Variants in DIP2C observed in about 807,000 individuals in gnomAD.
The protein encoded by DIP2C is DIP2 acetate--CoA ligase C (putative).
A neutral mutation model predicts 192.4 loss-of-function variants in DIP2C; 33 were observed. The ratio of observed to expected loss-of-function variants is 0.17; its 90% CI spans 0.13 to 0.23. DIP2C has a LOEUF of 0.23. DIP2C is among the 10% of genes least tolerant of loss of function. The pLI, the probability that DIP2C is intolerant of heterozygous loss-of-function variation, is 1.00. For missense variants in DIP2C, 1,537 were observed against 2,110.1 expected (o/e 0.73, Z 5.32); for synonymous variants, 979 against 864.1 (o/e 1.13, Z -2.33).
chr10:370,725 T>C (rs1960856579), intron 17 of DIP2C, among the ~76,000 whole-genome samples: 1 of 152,266 alleles, frequency 6.6e-6, no homozygotes, highest in South Asian at 2.1e-4. Flanking sequence ...GTACACATTG[T>C]TTCTGTAATT....
chr10:447,122 G>A (rs1356819766), intron 3 of DIP2C, among the ~76,000 whole-genome samples: 3 of 152,182 alleles, frequency 2.0e-5, no homozygotes, highest in Non-Finnish European at 2.9e-5. Flanking sequence ...TCCCAGGCCA[G>A]AAACAAAGGG....
chr10:367,290 G>T (rs912547532), intron 18 of DIP2C, among the ~76,000 whole-genome samples: 47 of 151,984 alleles, frequency 3.1e-4, no homozygotes, highest in Admixed American at 1.3e-3. Flanking sequence ...AGTGGCGGGC[G>T]CCTGTAGTCC....
chr10:495,760 G>A (rs985448386), intron 1 of DIP2C, among the ~76,000 whole-genome samples: 1 of 149,362 alleles, frequency 6.7e-6, no homozygotes, highest in African/African-American at 2.5e-5. Flanking sequence ...ACCCCAATGT[G>A]ACTGCTGAGT....
chr10:371,239 G>A (rs985361752), intron 17 of DIP2C, among the ~76,000 whole-genome samples: 9 of 152,056 alleles, frequency 5.9e-5, no homozygotes, highest in African/African-American at 2.2e-4. Context: ...AAAGATCAGC[G>A]TGGAAGTCAG....
At chr10:668,855 C>A (rs1857272891) in intron 1 of DIP2C, 1 of 152,214 alleles carries the variant, frequency 6.6e-6, no homozygotes, top group African/African-American at 2.4e-5. Context: ...AATAATATAG[C>A]ATAAACCCTT....
At chr10:381,167 T>C (rs1343919765) in intron 17 of DIP2C, among the ~76,000 whole-genome samples, 1 of 152,222 alleles carries the variant, frequency 6.6e-6, no homozygotes, top group Non-Finnish European at 1.5e-5. Flanking sequence ...GCCTAATTCA[T>C]CTCAGGAAAT....
At chr10:291,526 G>A (rs1398638096) in intron 32 of DIP2C, among the ~76,000 whole-genome samples, 4 of 152,200 alleles carry the variant, frequency 2.6e-5, no homozygotes, top group Admixed American at 1.3e-4. Flanking sequence ...AAAGAACTAG[G>A]AGATATATTT....
intron 32 of DIP2C, among the ~76,000 whole-genome samples, chr10:304,757 A>ACT (rs140109312): frequency 5.9e-5 from 9 of 151,778 alleles, no homozygotes; most frequent in African/African-American, 9.7e-5. Context: ...CACACATAAA[A>ACT]CAGTACACTA....
At chr10:435,504 T>C (rs1346794582) in intron 4 of DIP2C, among the ~76,000 whole-genome samples, 1 of 152,192 alleles carries the variant, frequency 6.6e-6, no homozygotes, top group Admixed American at 6.5e-5. Context: ...ACTACAGCAA[T>C]TTGTCAATTC....
At chr10:653,795 G>A (rs543551042) in intron 1 of DIP2C, among the ~76,000 whole-genome samples, 5 of 152,312 alleles carry the variant, frequency 3.3e-5, no homozygotes, top group South Asian at 4.1e-4. Flanking sequence ...CTGGTGACTC[G>A]AACACTAAAT....
At chr10:674,783 T>TAGAGAGAGAG (rs1389637055) in intron 1 of DIP2C, among the ~76,000 whole-genome samples, 30 of 96,648 alleles carry the variant, frequency 3.1e-4, no homozygotes, top group African/African-American at 1.6e-3. Flanking sequence ...TATATATATA[T>TAGAGAGAGAG]ATATATAGAG....
chr10:605,243 G>A (rs1228394252), intron 1 of DIP2C, among the ~76,000 whole-genome samples: 2 of 152,174 alleles, frequency 1.3e-5, no homozygotes, highest in Non-Finnish European at 2.9e-5. Flanking sequence ...AATGGGGAAC[G>A]GGGGCAGCAG....
chr10:382,623 A>T (rs747609524), intron 17 of DIP2C, 24 bp downstream of exon 17: 2 of 1,568,152 alleles, frequency 1.3e-6, no homozygotes, highest in Non-Finnish European at 1.8e-6. Context: ...TAGGTTATCT[A>T]CGTAAATCAA....
chr10:405,977 C>A (rs763491060), intron 9 of DIP2C, among the ~76,000 whole-genome samples: 1 of 152,144 alleles, frequency 6.6e-6, no homozygotes, highest in Non-Finnish European at 1.5e-5. Flanking sequence ...AGAAAAGTAG[C>A]GCCTTCACCC....
chr10:445,404 G>A (rs758316607), intron 3 of DIP2C, among the ~76,000 whole-genome samples: 46 of 150,678 alleles, frequency 3.1e-4, no homozygotes, highest in Non-Finnish European at 5.3e-4. Context: ...GTATATATTG[G>A]TTGCAAAGAG....
intron 1 of DIP2C, among the ~76,000 whole-genome samples, chr10:508,572 A>G (rs980796901): frequency 6.6e-6 from 1 of 152,160 alleles, no homozygotes; most frequent in Admixed American, 6.5e-5. Context: ...CTTCGCAGCA[A>G]AGACCACTCA....
chr10:412,247 T>C (rs1371421498), intron 8 of DIP2C, among the ~76,000 whole-genome samples: 1 of 152,210 alleles, frequency 6.6e-6, no homozygotes, highest in Non-Finnish European at 1.5e-5. Flanking sequence ...TGCCAATGCA[T>C]ACTGCATGCT....
rs555562812 is a variant in DIP2C, at chr10:605,792, G to A, written c.85+83702C>T. On this transcript the variant is annotated intron_variant, in intron 1 of 36. Coordinates refer to ENST00000280886, the MANE Select transcript of DIP2C (RefSeq NM_014974.3). ...TTCTCAGGGCTATGATACTCAACAA[G>A]GAAGCTCAGAAGGCTGGGTAAGCCC... Among the ~76,000 whole-genome samples, 383 of 152,340 alleles carry A rather than the reference G, an allele frequency of 2.5e-3. 1 individual carries two copies. The highest frequency in any genetic ancestry group is 0.01 in the Middle Eastern group (3 of 294).
intron 1 of DIP2C, among the ~76,000 whole-genome samples, chr10:508,172 C>T (rs1184110595): frequency 1.3e-5 from 2 of 152,130 alleles, no homozygotes; most frequent in African/African-American, 2.4e-5. Flanking sequence ...CTCACCACCG[C>T]GATTCAGTCA....
Sources: gnomAD v4.1 joint callset for allele counts (sites outside exome capture counted in the v4.1 genomes callset) on GRCh38, gnomAD v4.1.1 for gene constraint, MANE v1.5 for transcripts, NCBI Gene and HGNC (gene_info 2026-07-23, HGNC 2026-07-21) for gene names.